Variants in PIWIL3 observed in about 807,000 individuals in gnomAD.
PIWIL3 encodes piwi-like protein 3.
PIWIL3 carries 101 observed loss-of-function variants against 109.7 expected under a neutral mutation model. The ratio of observed to expected loss-of-function variants is 0.92; its 90% CI spans 0.78 to 1.09. The LOEUF (loss-of-function observed/expected upper bound fraction) is 1.09. PIWIL3 is among the 50% of genes least tolerant of loss of function. PIWIL3 has a pLI of 0.00. For missense variants in PIWIL3, 1,031 were observed against 1,072.6 expected (o/e 0.96, Z 0.54); for synonymous variants, 373 against 376.4 (o/e 0.99, Z 0.10).
At chr22:24,754,897 T>C in intron 6 of PIWIL3, 33 bp from the exon 7 acceptor site, 1 of 1,556,764 alleles carries the variant, frequency 6.4e-7, no homozygotes, top group Non-Finnish European at 8.9e-7. Flanking sequence ...TTGTTGAAAG[T>C]ACAGGGTACA....
At chr22:24,749,579 T>C (rs1342785962) in intron 10 of PIWIL3, 58 bp from the exon 11 acceptor site, 21 of 1,610,722 alleles carry the variant, frequency 1.3e-5, no homozygotes, top group Non-Finnish European at 1.7e-5. Context: ...GAGGACTAAA[T>C]TATAACAGCT....
At chr22:24,751,674 C>T (rs542132288) in intron 8 of PIWIL3, among the ~76,000 whole-genome samples, 176 bp from the exon 9 acceptor site, 1 of 152,362 alleles carries the variant, frequency 6.6e-6, no homozygotes, top group African/African-American at 2.4e-5. Context: ...CTGGTTTTTA[C>T]TACAGCCACA....
Position 24,719,587 on chromosome 22 carries a change from C to A in PIWIL3, c.2507G>T (p.Gly836Val). Residue 836 changes from glycine (G) to valine (V), a missense_variant and splice_region_variant, in exon 21 of 21, where the codon GGC becomes GTC. Physicochemically the swap from Gly to Val is moderately radical, Grantham distance 109. Transcript: ENST00000616349. ...GCAAGGCGCTGGAACTCGGATGATG[C>A]CCTTTAGTAGGAAAAGAAAATACAC... ...CLCHMYYNLP[G>V]IIRVPAPCHY... 1 of 1,582,972 alleles carries A rather than the reference C, an allele frequency of 6.3e-7. No individual in the cohort carries two copies. Among genetic ancestry groups the A allele is most frequent in the Non-Finnish European group, 8.6e-7 (1 of 1,168,070 alleles).
chr22:24,755,575 G>A (rs1307187173), intron 6 of PIWIL3, among the ~76,000 whole-genome samples: 1 of 152,112 alleles, frequency 6.6e-6, no homozygotes, highest in African/African-American at 2.4e-5. Context: ...AACGGGCATC[G>A]GCCAGGAGAA....
At chr22:24,750,907 T>C (rs1193061485) in intron 9 of PIWIL3, among the ~76,000 whole-genome samples, 2 of 151,344 alleles carry the variant, frequency 1.3e-5, no homozygotes, top group East Asian at 2.0e-4. Context: ...GCGGATCACC[T>C]GAGGTCGGAA....
At chr22:24,719,641 T>C (rs1922541527) in intron 20 of PIWIL3, 53 bp from the exon 21 acceptor site, 1 of 1,534,324 alleles carries the variant, frequency 6.5e-7, no homozygotes, top group Admixed American at 2.0e-5. Context: ...TTACATCTAC[T>C]TTCCCTAAAT....
rs773322392 is a variant in PIWIL3, at chr22:24,754,142, A to T, written c.849T>A (p.Asp283Glu). ...CTATTCGGAGCAGTTTGTGGCTCAC[A>T]TCGGCACAGAGGGTAATGCTGTTTT... ...QYENSITLCA[D>E]VSHKLLRIET... The change falls in exon 8 of 21, where the codon GAT (aspartate) becomes GAA (glutamate). Residue 283 changes from aspartate (D) to glutamate (E), a missense_variant. Coordinates refer to ENST00000616349, the MANE Select transcript of PIWIL3 (RefSeq NM_001255975.1). The T allele has an allele frequency of 2.5e-6, 4 of 1,614,134 alleles. No individual in the cohort carries two copies. The Admixed American group carries it at 6.7e-5, about 27-fold the overall frequency.
intron 12 of PIWIL3, among the ~76,000 whole-genome samples, chr22:24,746,171 G>A (rs1276096294): frequency 6.6e-6 from 1 of 152,048 alleles, no homozygotes; most frequent in Non-Finnish European, 1.5e-5. Flanking sequence ...AATGAACACT[G>A]ATATAAAAAA....
intron 17 of PIWIL3, 86 bp from the exon 18 acceptor site, chr22:24,725,123 TC>T: frequency 6.7e-7 from 1 of 1,501,908 alleles, no homozygotes; most frequent in Admixed American, 1.8e-5. Context: ...GGTCCATCTT[TC>T]AACACTGCAG....
At chr22:24,749,918 G>T in intron 9 of PIWIL3, 99 bp from the exon 10 acceptor site, 2 of 1,522,546 alleles carry the variant, frequency 1.3e-6, no homozygotes, top group Non-Finnish European at 1.8e-6. Context: ...CAAATGAAGG[G>T]CCACAGGCGT....
chr22:24,736,292 T>C (rs903356218), intron 12 of PIWIL3, among the ~76,000 whole-genome samples: 4 of 152,262 alleles, frequency 2.6e-5, no homozygotes, highest in African/African-American at 7.2e-5. Flanking sequence ...CTGTTCACAC[T>C]GCTGCAGCAG....
chr22:24,719,924 C>T (rs1922562889), intron 19 of PIWIL3, 29 bp from the exon 20 acceptor site: 1 of 1,572,378 alleles, frequency 6.4e-7, no homozygotes, highest in Admixed American at 1.7e-5. Context: ...TGGGTATCAG[C>T]TCATTTTAGA....
chr22:24,751,575 T>C, intron 8 of PIWIL3, 77 bp from the exon 9 acceptor site: 2 of 1,553,676 alleles, frequency 1.3e-6, no homozygotes, highest in Non-Finnish European at 8.6e-7. Flanking sequence ...TAGACATTTT[T>C]AATCCTGCAA....
At chr22:24,740,006 G>C (rs1023148669) in intron 12 of PIWIL3, among the ~76,000 whole-genome samples, 1 of 141,238 alleles carries the variant, frequency 7.1e-6, no homozygotes, top group South Asian at 2.3e-4. Context: ...AGCCAAGATG[G>C]TGCCCACTGC....
chr22:24,735,566 TA>T, intron 13 of PIWIL3, 141 bp downstream of exon 13: 1 of 743,258 alleles, frequency 1.3e-6, no homozygotes, highest in Non-Finnish European at 2.0e-6. Flanking sequence ...AAGTCTGTTT[TA>T]ATATTTTTTG....
intron 16 of PIWIL3, 79 bp downstream of exon 16, chr22:24,727,871 C>A (rs949845467): frequency 8.7e-7 from 1 of 1,144,266 alleles, no homozygotes; most frequent in Admixed American, 2.1e-5. Flanking sequence ...CTTGAGTTAA[C>A]ACATATTAAT....
intron 12 of PIWIL3, among the ~76,000 whole-genome samples, chr22:24,745,418 A>G (rs1045146601): frequency 2.6e-5 from 4 of 152,084 alleles, no homozygotes; most frequent in South Asian, 2.1e-4. Context: ...CCAAGATGGC[A>G]AAATCCCAGG....
In PIWIL3 at chr22:24,728,247, G is replaced by A; in HGVS notation, c.1835C>T (p.Thr612Ile). The part of the protein sequence containing the change: ...KKTLEKVQAR[T>I]IVTKIAQQMN... ...CTGCTGGGCAATCTTGGTGACGATG[G>A]TCCTTGCCTGGACTTTTTCTAAGGT... The change falls in exon 15 of 21, where the codon ACC (threonine) becomes ATC (isoleucine). Residue 612 changes from threonine to isoleucine, a missense_variant. Transcript: ENST00000616349. The A allele has an allele frequency of 1.2e-6, 2 of 1,614,186 alleles. No homozygotes were observed. Among genetic ancestry groups the A allele is most frequent in the Non-Finnish European group, 1.7e-6 (2 of 1,180,038 alleles).
chr22:24,721,413 G>T (rs1421766169), intron 19 of PIWIL3, among the ~76,000 whole-genome samples: 1 of 152,026 alleles, frequency 6.6e-6, no homozygotes, highest in Non-Finnish European at 1.5e-5. Flanking sequence ...TCAGTCTTAG[G>T]ATTCAGAATC....
Sources: gnomAD v4.1 joint callset for allele counts (sites outside exome capture counted in the v4.1 genomes callset) on GRCh38, gnomAD v4.1.1 for gene constraint, MANE v1.5 for transcripts, NCBI Gene and HGNC (gene_info 2026-07-23, HGNC 2026-07-21) for gene names.